Variants in NR3C2 observed in about 807,000 individuals in gnomAD.
The protein encoded by NR3C2 is mineralocorticoid receptor.
Under a neutral mutation model 86.4 loss-of-function variants are expected in NR3C2, and 15 were observed. The ratio of observed to expected loss-of-function variants is 0.17; its 90% CI spans 0.12 to 0.27. The LOEUF is 0.27. NR3C2 is among the 10% of genes least tolerant of loss of function. The pLI, the probability that NR3C2 is intolerant of heterozygous loss-of-function variation, is 1.00. For missense variants in NR3C2, 960 were observed against 1,195.6 expected (o/e 0.80, Z 2.91); for synonymous variants, 458 against 450.5 (o/e 1.02, Z -0.21).
chr4:148,137,975 A>G (rs1477646786), intron 6 of NR3C2, among the ~76,000 whole-genome samples: 1 of 152,362 alleles, frequency 6.6e-6, no homozygotes, highest in South Asian at 2.1e-4. Context: ...GTTTCTTTTA[A>G]AATAAATTGA....
In NR3C2 at chr4:148,420,018, T is replaced by C. The variant is rs138622960; in HGVS notation, c.1757+15086A>G. Among the ~76,000 whole-genome samples the C allele has an allele frequency of 7.2e-4, 110 of 152,282 alleles. 1 individual carries two copies. The highest frequency in any genetic ancestry group is 2.2e-3 in the African/African-American group (91 of 41,558). Reference sequence around the variant, plus strand: ...CACATCTTCCTGTGTTCTTAGTACATGGGGTTGGGTGAGACCAAACCCCCA... The same window carrying C: ...CACATCTTCCTGTGTTCTTAGTACACGGGGTTGGGTGAGACCAAACCCCCA... On this transcript the variant is annotated intron_variant, in intron 2 of 8. Coordinates refer to ENST00000358102, the MANE Select transcript of NR3C2 (RefSeq NM_000901.5).
intron 8 of NR3C2, among the ~76,000 whole-genome samples, chr4:148,104,197 A>T (rs1362503392): frequency 6.6e-6 from 1 of 152,176 alleles, no homozygotes; most frequent in Non-Finnish European, 1.5e-5. Context: ...AGATAATGTA[A>T]GCCCTTAGCA....
intron 2 of NR3C2, among the ~76,000 whole-genome samples, chr4:148,393,147 G>A (rs914390990): frequency 6.6e-6 from 1 of 152,088 alleles, no homozygotes; most frequent in Non-Finnish European, 1.5e-5. Flanking sequence ...CCTTATCTTT[G>A]TTTCATCACA....
At chr4:148,236,112 A>G (rs1738739062) in intron 3 of NR3C2, among the ~76,000 whole-genome samples, 1 of 152,218 alleles carries the variant, frequency 6.6e-6, no homozygotes. Context: ...TGGCAGAATT[A>G]TAACTCATCT....
intron 3 of NR3C2, among the ~76,000 whole-genome samples, chr4:148,228,706 T>C (rs949493786): frequency 6.6e-6 from 1 of 152,150 alleles, no homozygotes. Context: ...TTTGAAAACA[T>C]AGTAAAGCAG....
At position 148,401,172 on chromosome 4, in the gene NR3C2, T is replaced by A. The variant is rs115966030; in HGVS notation, c.1757+33932A>T. On this transcript the variant is annotated intron_variant, in intron 2 of 8. Coordinates refer to ENST00000358102, the MANE Select transcript of NR3C2 (RefSeq NM_000901.5). ...GGTGAGACTCACAGTATACCCACCA[T>A]GTGAACCAACTAGATGAGAAAATAC... Among the ~76,000 whole-genome samples the A allele has an allele frequency of 2.8e-3, 421 of 152,330 alleles. 5 individuals are homozygous for A. The highest frequency in any genetic ancestry group is 9.7e-3 in the African/African-American group (403 of 41,574).
chr4:148,193,019 T>C (rs1736272493), intron 4 of NR3C2, among the ~76,000 whole-genome samples: 1 of 152,212 alleles, frequency 6.6e-6, no homozygotes, highest in African/African-American at 2.4e-5. Flanking sequence ...GTTCAAATTG[T>C]TACAAAGTTC....
At chr4:148,132,527 G>A (rs1408365005) in intron 6 of NR3C2, among the ~76,000 whole-genome samples, 2 of 152,210 alleles carry the variant, frequency 1.3e-5, no homozygotes, top group Non-Finnish European at 2.9e-5. Context: ...CTTACTAGAA[G>A]AGCCTACTAC....
chr4:148,122,054 A>C (rs1416259123), intron 6 of NR3C2, among the ~76,000 whole-genome samples: 2 of 152,086 alleles, frequency 1.3e-5, no homozygotes, highest in African/African-American at 4.8e-5. Flanking sequence ...TCACATCCCC[A>C]CCAATGATTG....
intron 2 of NR3C2, among the ~76,000 whole-genome samples, chr4:148,362,392 T>C (rs939388320): frequency 1.3e-5 from 2 of 152,344 alleles, no homozygotes; most frequent in South Asian, 2.1e-4. Flanking sequence ...CTGATCACTA[T>C]ATGTGTATTA....
chr4:148,306,242 T>C (rs1742614774), intron 2 of NR3C2, among the ~76,000 whole-genome samples: 1 of 152,208 alleles, frequency 6.6e-6, no homozygotes, highest in Non-Finnish European at 1.5e-5. Flanking sequence ...GGGTCTTAGA[T>C]GTACCCCTTT....
At chr4:148,392,698 C>A (rs924263917) in intron 2 of NR3C2, among the ~76,000 whole-genome samples, 3 of 152,130 alleles carry the variant, frequency 2.0e-5, no homozygotes, top group Non-Finnish European at 4.4e-5. Context: ...TTAGAGCTCA[C>A]TATATCTAAA....
chr4:148,080,796 G>GC lies in NR3C2; in HGVS notation c.*547dup, dbSNP rs1299099299. Reference sequence around the variant, plus strand: ...CAGTGATGCAGAAGACCGTGGACGAGCGAGGGCTCAGAGGCAGCTGCTGCC... The same window carrying GC: ...CAGTGATGCAGAAGACCGTGGACGAGCCGAGGGCTCAGAGGCAGCTGCTGCC... On this transcript the variant is annotated 3_prime_UTR_variant, in exon 9 of 9. Transcript: ENST00000358102. 1 of 425,824 alleles carries GC rather than the reference G, an allele frequency of 2.3e-6. No individual in the cohort carries two copies. Among genetic ancestry groups the GC allele is most frequent in the African/African-American group, 2.0e-5 (1 of 49,576 alleles). The allele number at this position is 425,824 out of a possible 1,614,324, so 26.4% of individuals were successfully genotyped here. A position where few individuals can be genotyped will look rare whatever the true frequency, so the allele number is the denominator to read the frequency against.
intron 4 of NR3C2, among the ~76,000 whole-genome samples, chr4:148,159,993 G>A (rs1010025743): frequency 6.6e-6 from 1 of 152,176 alleles, no homozygotes; most frequent in Non-Finnish European, 1.5e-5. Context: ...GTGTGTATCT[G>A]TGTGTGTGCA....
chr4:148,129,741 G>A (rs927009504), intron 6 of NR3C2, among the ~76,000 whole-genome samples: 8 of 152,120 alleles, frequency 5.3e-5, no homozygotes, highest in South Asian at 2.1e-4. Context: ...GATTACAGGC[G>A]CGTGCCACCA....
chr4:148,135,927 G>T, intron 6 of NR3C2, among the ~76,000 whole-genome samples: 1 of 131,240 alleles, frequency 7.6e-6, no homozygotes, highest in Middle Eastern at 3.8e-3. Context: ...CATAGTGGCG[G>T]GCGCCTGTAG....
chr4:148,259,808 G>A (rs1223017602), intron 3 of NR3C2, among the ~76,000 whole-genome samples, 170 bp downstream of exon 3: 7 of 152,134 alleles, frequency 4.6e-5, no homozygotes, highest in Non-Finnish European at 7.4e-5. Context: ...ATATTGCTTT[G>A]TGGAAAATCT....
chr4:148,371,693 T>G (rs1179806220), intron 2 of NR3C2, among the ~76,000 whole-genome samples: 1 of 152,088 alleles, frequency 6.6e-6, no homozygotes, highest in Non-Finnish European at 1.5e-5. Context: ...ACTGTACACT[T>G]TCCTTAAATT....
intron 8 of NR3C2, among the ~76,000 whole-genome samples, chr4:148,092,128 C>T (rs1731087571): frequency 1.3e-5 from 2 of 152,312 alleles, no homozygotes; most frequent in South Asian, 4.1e-4. Flanking sequence ...ATGTCATGCT[C>T]GTGGGCAGCA....
Sources: allele counts gnomAD v4.1 joint callset (sites outside exome capture counted in the v4.1 genomes callset), GRCh38; gene constraint gnomAD v4.1.1; transcripts MANE v1.5; gene names NCBI Gene and HGNC (gene_info 2026-07-23, HGNC 2026-07-21).